MIR2052HG: variants seen among roughly 807,000 people sequenced by gnomAD.
MIR2052HG encodes MIR2052 host gene.
intron 4 of MIR2052HG, among the ~76,000 whole-genome samples, chr8:74,727,751 TAA>T (rs1809651741): frequency 6.6e-6 from 1 of 152,230 alleles, no homozygotes; most frequent in Non-Finnish European, 1.5e-5. Context: ...GAGAAAATAC[TAA>T]AAACAAAACA....
chr8:74,741,124 C>T (rs1360612055), intron 4 of MIR2052HG, among the ~76,000 whole-genome samples: 1 of 152,178 alleles, frequency 6.6e-6, no homozygotes, highest in Non-Finnish European at 1.5e-5. Context: ...TTAGTATATA[C>T]ATCTTACAAA....
At chr8:74,603,519 A>C in intron 1 of MIR2052HG, 1 of 1,546,438 alleles carries the variant, frequency 6.5e-7, no homozygotes, top group Non-Finnish European at 8.9e-7. Flanking sequence ...TAAGTTCATG[A>C]GAAGTAGTCT....
In MIR2052HG at chr8:74,603,327, G is replaced by C. The variant is rs1033425950; in HGVS notation, n.128+3419G>C. 44 of 1,607,798 alleles carry C rather than the reference G, an allele frequency of 2.7e-5. No individual in the cohort carries two copies. In the Admixed American group the frequency reaches 7.0e-4, roughly 26 times the overall value. On this transcript the variant is annotated intron_variant and non_coding_transcript_variant, in intron 1 of 6. Transcript: ENST00000523442. ...TGCCACCCGTCTCCGAGGAAAGCCT[G>C]ACATTGATTAGATATTGAGCCAGGC...
chr8:74,753,747 T>A (rs1586932498), intron 5 of MIR2052HG, among the ~76,000 whole-genome samples: 1 of 152,184 alleles, frequency 6.6e-6, no homozygotes, highest in Non-Finnish European at 1.5e-5. Context: ...CCCCTTCACT[T>A]TTTCTAATCC....
chr8:74,683,685 T>C (rs1356198368), intron 2 of MIR2052HG, among the ~76,000 whole-genome samples: 1 of 152,156 alleles, frequency 6.6e-6, no homozygotes, highest in Non-Finnish European at 1.5e-5. Flanking sequence ...TCTGTTTTTA[T>C]TCCTTCTCTC....
chr8:74,702,403 C>G (rs1212185303), exon 3 of MIR2052HG: 8 of 454,504 alleles, frequency 1.8e-5, no homozygotes, highest in Non-Finnish European at 3.5e-5. Context: ...TCTTTTATGT[C>G]TGATGAGGCA....
At chr8:74,645,861 G>A (rs961588085) in intron 2 of MIR2052HG, among the ~76,000 whole-genome samples, 4 of 152,262 alleles carry the variant, frequency 2.6e-5, no homozygotes, top group East Asian at 1.9e-4. Context: ...TGAGAAAATC[G>A]TCCTTTTAAT....
chr8:74,603,933 G>A (rs2128730429), intron 1 of MIR2052HG: 1 of 1,086,350 alleles, frequency 9.2e-7, no homozygotes, highest in South Asian at 1.2e-5. Context: ...GACTAGCAGG[G>A]ACCACCAGCC....
chr8:74,615,372 GA>G (rs1808264836), intron 2 of MIR2052HG, among the ~76,000 whole-genome samples: 1 of 152,200 alleles, frequency 6.6e-6, no homozygotes, highest in South Asian at 2.1e-4. Context: ...ATTGCAGCCA[GA>G]AGCTGAGTCC....
chr8:74,625,986 A>T (rs1342373996), intron 2 of MIR2052HG, among the ~76,000 whole-genome samples: 1 of 152,214 alleles, frequency 6.6e-6, no homozygotes, highest in Non-Finnish European at 1.5e-5. Flanking sequence ...AACATCACTT[A>T]TAACATTAAT....
intron 4 of MIR2052HG, among the ~76,000 whole-genome samples, chr8:74,734,348 A>G (rs1300310201): frequency 1.3e-5 from 2 of 152,216 alleles, no homozygotes; most frequent in African/African-American, 4.8e-5. Flanking sequence ...TTGACACTAT[A>G]CACATATGGG....
intron 1 of MIR2052HG, among the ~76,000 whole-genome samples, chr8:74,609,206 A>G (rs562087162): frequency 2.0e-5 from 3 of 152,068 alleles, no homozygotes; most frequent in African/African-American, 4.8e-5. Flanking sequence ...ACAAGAAAAG[A>G]ACAAATACCG....
At chr8:74,757,359 C>T (rs1405479653) in intron 5 of MIR2052HG, 3 of 152,292 alleles carry the variant, frequency 2.0e-5, no homozygotes, top group Middle Eastern at 3.4e-3. Context: ...TGCTGCTTCC[C>T]TTGGGAACTA....
intron 2 of MIR2052HG, among the ~76,000 whole-genome samples, chr8:74,680,717 A>C (rs1003873688): frequency 1.3e-5 from 2 of 152,178 alleles, no homozygotes; most frequent in Non-Finnish European, 2.9e-5. Flanking sequence ...TACTGGGTAT[A>C]TACTCAAAGG....
chr8:74,722,912 T>C (rs1343719414), intron 4 of MIR2052HG, among the ~76,000 whole-genome samples: 1 of 152,230 alleles, frequency 6.6e-6, no homozygotes, highest in Non-Finnish European at 1.5e-5. Flanking sequence ...CTGACCACGC[T>C]CTTAACTTCA....
At chr8:74,638,267 ATT>A in intron 2 of MIR2052HG, among the ~76,000 whole-genome samples, 1 of 152,178 alleles carries the variant, frequency 6.6e-6, no homozygotes, top group South Asian at 2.1e-4. Flanking sequence ...CAAATTCAAT[ATT>A]ATTTGATATA....
chr8:74,751,148 A>G (rs1207272487), intron 4 of MIR2052HG, among the ~76,000 whole-genome samples: 1 of 152,318 alleles, frequency 6.6e-6, no homozygotes, highest in East Asian at 1.9e-4. Context: ...AGTGGCAAAA[A>G]AGTTTCATTT....
intron 2 of MIR2052HG, among the ~76,000 whole-genome samples, chr8:74,693,167 A>C (rs1329610021): frequency 1.3e-5 from 2 of 152,242 alleles, no homozygotes; most frequent in Non-Finnish European, 2.9e-5. Flanking sequence ...CTTAAGAATG[A>C]GATAACATTA....
At chr8:74,609,261 AC>A (rs1808156254) in intron 1 of MIR2052HG, among the ~76,000 whole-genome samples, 2 of 151,960 alleles carry the variant, frequency 1.3e-5, no homozygotes, top group Admixed American at 1.3e-4. Context: ...GAAATAGATA[AC>A]CTGAATAGTC....
Sources: allele counts gnomAD v4.1 joint callset (sites outside exome capture counted in the v4.1 genomes callset), GRCh38; gene constraint gnomAD v4.1.1; transcripts MANE v1.5; gene names NCBI Gene and HGNC (gene_info 2026-07-23, HGNC 2026-07-21).